PNLDC1: variants seen among roughly 807,000 people sequenced by gnomAD.
PNLDC1 encodes the protein PARN like ribonuclease domain containing exonuclease 1, also known as poly(A)-specific ribonuclease PNLDC1.
Under a neutral mutation model 82.0 loss-of-function variants are expected in PNLDC1, and 70 were observed. That is an observed-to-expected ratio of 0.85 (90% CI 0.70 to 1.04). The LOEUF is 1.04. PNLDC1 is among the 50% of genes least tolerant of loss of function. The pLI is 0.00. For missense variants in PNLDC1, 631 were observed against 661.1 expected (o/e 0.95, Z 0.50); for synonymous variants, 280 against 249.3 (o/e 1.12, Z -1.16).
rs139779915 is a variant in PNLDC1 at position 159,806,055 on chromosome 6, C to T, written c.534C>T (p.Gly178=). ...VTRWLELAKE[G]DWMTLPGITG... ...GGTGGCTGGAGCTGGCCAAGGAAGG[C>T]GACTGGATGACTCTTCCTGGGATCA... is the stretch of plus-strand genomic sequence containing the variant. Residue 178 remains glycine, a synonymous_variant, in exon 7 of 19, where the codon GGC becomes GGT. Transcript: ENST00000392167. The T allele has an allele frequency of 6.2e-6, 10 of 1,613,970 alleles. No homozygotes were observed. Among genetic ancestry groups the T allele is most frequent in the Admixed American group, 3.3e-5 (2 of 60,022 alleles).
chr6:159,809,979 G>T (rs750399922), intron 9 of PNLDC1, 47 bp from the exon 10 acceptor site: 2 of 1,488,216 alleles, frequency 1.3e-6, no homozygotes, highest in Non-Finnish European at 1.9e-6. Flanking sequence ...GTAGTGTCTG[G>T]ATTACATTTT....
intron 3 of PNLDC1, among the ~76,000 whole-genome samples, chr6:159,801,392 G>A (rs929993950): frequency 2.6e-5 from 4 of 152,154 alleles, no homozygotes; most frequent in African/African-American, 9.7e-5. Flanking sequence ...GCTTAAATAA[G>A]TCAGTATTAA....
chr6:159,818,056 T>C (rs1264092559), intron 15 of PNLDC1, among the ~76,000 whole-genome samples: 3 of 152,178 alleles, frequency 2.0e-5, no homozygotes, highest in Non-Finnish European at 2.9e-5. Context: ...TTTTATTTCT[T>C]TTAATCCTCA....
intron 9 of PNLDC1, 34 bp downstream of exon 9, chr6:159,809,192 G>A (rs1161903281): frequency 6.2e-7 from 1 of 1,608,186 alleles, no homozygotes. Flanking sequence ...TGGCCTAAAG[G>A]CAGTCTTTAG....
At chr6:159,804,148 G>T (rs565272499) in intron 5 of PNLDC1, 60 bp downstream of exon 5, 18 of 1,581,140 alleles carry the variant, frequency 1.1e-5, no homozygotes, top group Non-Finnish European at 1.5e-5. Context: ...ATGGAGTCTC[G>T]CTCTGTTGCC....
In PNLDC1 at chr6:159,800,316, G is replaced by C. The variant is rs1340898213; in HGVS notation, c.9G>C (p.Val3=). 6 of 1,547,532 alleles carry C rather than the reference G, an allele frequency of 3.9e-6. No homozygotes were observed. In the East Asian group the frequency reaches 1.5e-4, roughly 38 times the overall value. Residue 3 remains valine, a synonymous_variant, in exon 1 of 19, where the codon GTG becomes GTC. Coordinates refer to ENST00000392167, the MANE Select transcript of PNLDC1 (RefSeq NM_001271862.2). Reference sequence around the variant, plus strand: ...CGCGGAGCTGCACGGCCATGGACGTGGGCGCCGACGAGTTCGAGGAGAGCC... The same window carrying C: ...CGCGGAGCTGCACGGCCATGGACGTCGGCGCCGACGAGTTCGAGGAGAGCC... MD[V]GADEFEESLP...
chr6:159,813,303 C>T (rs1305492320), intron 11 of PNLDC1, among the ~76,000 whole-genome samples: 5 of 152,154 alleles, frequency 3.3e-5, no homozygotes, highest in South Asian at 2.1e-4. Context: ...CCTTTGTCCT[C>T]GTGCCTTGCT....
At chr6:159,817,712 G>C (rs111909049) in intron 15 of PNLDC1, among the ~76,000 whole-genome samples, 1 of 152,242 alleles carries the variant, frequency 6.6e-6, no homozygotes, top group Non-Finnish European at 1.5e-5. Flanking sequence ...CTACAGCACC[G>C]TCCTTGGCAT....
At chr6:159,815,240 G>C (rs1276484561) in intron 12 of PNLDC1, among the ~76,000 whole-genome samples, 1 of 152,208 alleles carries the variant, frequency 6.6e-6, no homozygotes, top group Non-Finnish European at 1.5e-5. Context: ...AACTGTGGTA[G>C]TAGCCCCTGA....
chr6:159,805,197 G>A (rs75117471), intron 6 of PNLDC1, among the ~76,000 whole-genome samples: 4,124 of 152,254 alleles, frequency 0.027, 84 homozygotes, highest in Non-Finnish European at 0.043. Flanking sequence ...CCAAAACCTC[G>A]TATTCCTGTA....
chr6:159,816,631 T>C lies in PNLDC1; in HGVS notation c.1114+35T>C, dbSNP rs1441688384. 43 of 56,932 alleles carry C rather than the reference T, an allele frequency of 7.6e-4. No homozygotes were observed. In the Admixed American group the frequency reaches 8.1e-3, roughly 11 times the overall value. The allele number at this position is 56,932 out of a possible 1,614,324, so 3.5% of individuals were successfully genotyped here. The stretch of plus-strand genomic sequence containing the variant: ...GCGGTTCCTTTAAAAGGAAACTCAC[T>C]TTTTTTTTTTTTTTTTCTGAGACAG... On this transcript the variant is annotated intron_variant, in intron 14 of 18. Coordinates refer to ENST00000392167, the MANE Select transcript of PNLDC1 (RefSeq NM_001271862.2).
At position 159,810,016 on chromosome 6, in the gene PNLDC1, C is replaced by G. The variant is rs1237403051; in HGVS notation, c.784-10C>G. 6.2e-7 allele frequency: 1 copy of G among 1,611,456 alleles called. No individual in the cohort carries two copies. The highest frequency in any genetic ancestry group is 8.5e-7 in the Non-Finnish European group (1 of 1,177,640). ...TTATTTTCTCTCACCTGTTGATTTACTCCAAGTAGCCCTTAGTGGGACATA... is the reference window on the plus strand; with the variant it reads ...TTATTTTCTCTCACCTGTTGATTTAGTCCAAGTAGCCCTTAGTGGGACATA... On this transcript the variant is annotated splice_polypyrimidine_tract_variant and intron_variant, in intron 9 of 18. Coordinates refer to ENST00000392167, the MANE Select transcript of PNLDC1 (RefSeq NM_001271862.2).
intron 16 of PNLDC1, 145 bp from the exon 17 acceptor site, chr6:159,818,801 A>C: frequency 8.3e-7 from 1 of 1,207,006 alleles, no homozygotes. Flanking sequence ...ATGTTTCTCC[A>C]CTAAAGCCAA....
Position 159,820,655 on chromosome 6 carries a change from G to A in PNLDC1, c.*138G>A, listed in dbSNP as rs775878951. 19 of 768,570 alleles carry A rather than the reference G, an allele frequency of 2.5e-5. No individual in the cohort carries two copies. Among genetic ancestry groups the A allele is most frequent in the African/African-American group, 1.2e-4 (7 of 58,396 alleles). 47.6% of individuals were successfully genotyped at this position (768,570 alleles called of 1,614,324 possible). On this transcript the variant is annotated 3_prime_UTR_variant, in exon 19 of 19. Transcript: ENST00000392167. ...CTAGAAATTCTGTTATGTCCTGAAC[G>A]TGAAATTCTGTCAACACTCTCAATG...
intron 1 of PNLDC1, 111 bp downstream of exon 1, chr6:159,800,494 C>A: frequency 7.4e-7 from 1 of 1,356,196 alleles, no homozygotes; most frequent in Non-Finnish European, 1.0e-6. Context: ...GAGAGGGCCT[C>A]GGGAAGGACA....
intron 6 of PNLDC1, among the ~76,000 whole-genome samples, chr6:159,804,913 G>A (rs180937677): frequency 1.1e-3 from 175 of 152,322 alleles, no homozygotes; most frequent in African/African-American, 3.6e-3. Context: ...TCCTAATTTG[G>A]AACTCAAAGA....
intron 3 of PNLDC1, among the ~76,000 whole-genome samples, chr6:159,802,135 C>T (rs998859262): frequency 1.4e-4 from 22 of 152,212 alleles, no homozygotes; most frequent in Non-Finnish European, 2.9e-4. Context: ...TTGCGTAATG[C>T]TGTTTCTTTT....
chr6:159,812,463 G>A (rs1033929937), intron 11 of PNLDC1, among the ~76,000 whole-genome samples: 1 of 149,874 alleles, frequency 6.7e-6, no homozygotes, highest in African/African-American at 2.5e-5. Context: ...CACTGGGGGG[G>A]AGGGGGTTCC....
At position 159,800,778 on chromosome 6, in the gene PNLDC1, A is replaced by G; in HGVS notation, c.83A>G (p.Asp28Gly). The change falls in exon 2 of 19, where the codon GAC (aspartate) becomes GGC (glycine). Residue 28 changes from aspartate to glycine, a missense_variant. Coordinates refer to ENST00000392167, the MANE Select transcript of PNLDC1 (RefSeq NM_001271862.2). ...LVQEADFVGL[D>G]IEFTGLRSNL... ...TTTTTTGCCTTCCTGGCAGGTCTGG[A>G]CATAGAGTTCACGGGCCTTCGTTCT... 6.2e-7 allele frequency: 1 copy of G among 1,614,104 alleles called. No homozygotes were observed. The highest frequency in any genetic ancestry group is 8.5e-7 in the Non-Finnish European group (1 of 1,180,016).
Sources: gnomAD v4.1 joint callset for allele counts (sites outside exome capture counted in the v4.1 genomes callset) on GRCh38, gnomAD v4.1.1 for gene constraint, MANE v1.5 for transcripts, NCBI Gene and HGNC (gene_info 2026-07-23, HGNC 2026-07-21) for gene names.